Variants in UPF2 observed in about 807,000 individuals in gnomAD.
UPF2 encodes UPF2 regulator of nonsense mediated mRNA decay.
A neutral mutation model predicts 141.4 loss-of-function variants in UPF2; 17 were observed. That is an observed-to-expected ratio of 0.12 (90% CI 0.08 to 0.18). UPF2 has a LOEUF of 0.18. Among genes scored for constraint, UPF2 ranks in the 10% least tolerant of loss-of-function variants. The pLI, the probability that UPF2 is intolerant of heterozygous loss-of-function variation, is 1.00. For synonymous variants in UPF2, 540 were observed against 498.0 expected, an observed-to-expected ratio of 1.08 and a Z score of -1.12; for missense variants, 1,152 against 1,515.9, an observed-to-expected ratio of 0.76 and a Z score of 3.99.
chr10:11,988,435 C>A (rs927067811), intron 8 of UPF2, among the ~76,000 whole-genome samples: 1 of 152,296 alleles, frequency 6.6e-6, no homozygotes, highest in East Asian at 1.9e-4. Flanking sequence ...CCTTAGCCTC[C>A]CAAGTAGATG....
chr10:11,990,989 CAAAAAAAA>C, intron 8 of UPF2, among the ~76,000 whole-genome samples: 1 of 93,238 alleles, frequency 1.1e-5, no homozygotes, highest in South Asian at 3.4e-4. Context: ...GACTCCATCT[CAAAAAAAA>C]AAAAAAAAAG....
At chr10:12,004,482 G>T in intron 5 of UPF2, 48 bp downstream of exon 5, 1 of 1,433,398 alleles carries the variant, frequency 7.0e-7, no homozygotes, top group Non-Finnish European at 9.4e-7. Context: ...CTATTTTGAA[G>T]CTAATTCTTA....
intron 8 of UPF2, among the ~76,000 whole-genome samples, chr10:11,985,525 T>C (rs943063344): frequency 6.6e-6 from 1 of 150,482 alleles, no homozygotes; most frequent in African/African-American, 2.4e-5. Context: ...TAGTCCCAGC[T>C]ACTCGGGAGG....
chr10:11,958,410 C>T (rs147887695), intron 12 of UPF2, among the ~76,000 whole-genome samples: 60 of 152,234 alleles, frequency 3.9e-4, no homozygotes, highest in African/African-American at 1.4e-3. Flanking sequence ...ACATTTCCAA[C>T]GAAGCTGGTA....
At chr10:12,002,634 T>A (rs529462075) in intron 5 of UPF2, among the ~76,000 whole-genome samples, 23 of 152,292 alleles carry the variant, frequency 1.5e-4, no homozygotes, top group African/African-American at 5.5e-4. Flanking sequence ...AATATCCTTA[T>A]CATTTCAATG....
rs1834186452 is a variant in UPF2 at position 12,014,590 on chromosome 10, T to C, written c.1146-406A>G. ...CAATTATTCTTAAACCTCCATGATTTGAATCAGAAATATCATATTTAACAA... is the reference window on the plus strand; with the variant it reads ...CAATTATTCTTAAACCTCCATGATTCGAATCAGAAATATCATATTTAACAA... On this transcript the variant is annotated intron_variant, in intron 3 of 21. Transcript: ENST00000357604. This position sits in a 1 kb window ranked among gnomAD's most constrained non-coding sequence, Gnocchi z 5.0. Among the ~76,000 whole-genome samples the C allele has an allele frequency of 2.0e-5, 3 of 152,190 alleles. No homozygotes were observed. Among genetic ancestry groups the C allele is most frequent in the Non-Finnish European group, 4.4e-5 (3 of 68,032 alleles).
intron 16 of UPF2, among the ~76,000 whole-genome samples, chr10:11,945,300 C>G (rs1305723788): frequency 3.3e-5 from 5 of 152,168 alleles, no homozygotes; most frequent in Non-Finnish European, 7.4e-5. Context: ...AAAAATAGAA[C>G]ACAGCATTTG....
rs373291144 is a variant in UPF2 at position 11,929,955 on chromosome 10, G to A, written c.3719C>T (p.Ala1240Val). 13 of 1,614,130 alleles carry A rather than the reference G, an allele frequency of 8.1e-6. No homozygotes were observed. The highest frequency in any genetic ancestry group is 1.1e-5 in the Non-Finnish European group (13 of 1,180,052). ...CCTCTCACGATTGGTGTTTGCTGGA[G>A]CTGGGCGCTGTGCAAGAGACTGCAA... is the stretch of plus-strand genomic sequence containing the variant. ...EMLQSLAQRP[A>V]PANTNRERRP... Residue 1240 changes from alanine to valine, a missense_variant, in exon 21 of 22, where the codon GCT becomes GTT. Physicochemically the swap from Ala to Val is moderately conservative, Grantham distance 64 (BLOSUM62 0). Around this residue, in one of 4 missense-constraint regions of UPF2, gnomAD observed 66 missense variants for 123.5 expected, o/e 0.53. Coordinates refer to ENST00000357604, the MANE Select transcript of UPF2 (RefSeq NM_015542.4).
At chr10:11,938,853 G>GGTT (rs1832889411) in intron 18 of UPF2, among the ~76,000 whole-genome samples, 1 of 79,816 alleles carries the variant, frequency 1.3e-5, no homozygotes, top group Non-Finnish European at 2.3e-5. Context: ...TTTTTTTTTT[G>GGTT]TTTTTTTTTT....
At chr10:12,027,412 G>C (rs1380793853) in intron 3 of UPF2, among the ~76,000 whole-genome samples, 1 of 152,128 alleles carries the variant, frequency 6.6e-6, no homozygotes, top group Non-Finnish European at 1.5e-5. Flanking sequence ...TCACAAATCA[G>C]TTATGATGTA....
At chr10:11,997,926 A>G (rs1167877945) in intron 7 of UPF2, among the ~76,000 whole-genome samples, 169 bp from the exon 8 acceptor site, 2 of 152,234 alleles carry the variant, frequency 1.3e-5, no homozygotes, top group Non-Finnish European at 2.9e-5. Flanking sequence ...AAAAGTAGCA[A>G]GAATAGTTAC....
chr10:11,986,900 C>T (rs1007232283), intron 8 of UPF2, among the ~76,000 whole-genome samples: 27 of 152,184 alleles, frequency 1.8e-4, no homozygotes, highest in Non-Finnish European at 2.9e-5. Context: ...CCAGCAAACT[C>T]TCCTAAAAGC....
At chr10:11,968,654 T>TA (rs1026188325) in intron 9 of UPF2, among the ~76,000 whole-genome samples, 6 of 152,226 alleles carry the variant, frequency 3.9e-5, no homozygotes, top group Non-Finnish European at 8.8e-5. Context: ...TTTGCACATG[T>TA]AAGTCCTCTA....
intron 15 of UPF2, 25 bp downstream of exon 15, chr10:11,952,041 T>C (rs1833081755): frequency 6.2e-7 from 1 of 1,607,800 alleles, no homozygotes; most frequent in Non-Finnish European, 8.5e-7. Context: ...TCACCTTCAT[T>C]TTCTGTCTGC....
chr10:12,025,117 CTA>C (rs1448965598), intron 3 of UPF2, among the ~76,000 whole-genome samples: 1 of 152,136 alleles, frequency 6.6e-6, no homozygotes, highest in Non-Finnish European at 1.5e-5. Context: ...TGCATCTTCT[CTA>C]TAGTGGCTGC....
At chr10:12,022,956 A>G (rs1357523872) in intron 3 of UPF2, among the ~76,000 whole-genome samples, 1 of 152,184 alleles carries the variant, frequency 6.6e-6, no homozygotes, top group African/African-American at 2.4e-5. Flanking sequence ...TAAGCCTGCA[A>G]TCATGAGGGT....
At chr10:12,038,871 C>T (rs1834683737) in intron 1 of UPF2, among the ~76,000 whole-genome samples, 1 of 152,084 alleles carries the variant, frequency 6.6e-6, no homozygotes, top group Admixed American at 6.6e-5. Context: ...GTACGTTGCC[C>T]TGGCTGGTCT....
rs1001042077 is a variant in UPF2 at position 11,957,186 on chromosome 10, T to G, written c.2371-663A>C. ...GCTCACGCTTGTAATCCCAGCACTT[T>G]GTGAGGCCAAGGTGGGTGGATAATC... On this transcript the variant is annotated intron_variant, in intron 12 of 21. Transcript: ENST00000357604. 2.6e-5 allele frequency among the ~76,000 whole-genome samples: 4 copies of G among 151,900 alleles called. No individual in the cohort carries two copies. In the East Asian group the frequency reaches 6.0e-4, roughly 23 times the overall value.
At chr10:11,988,675 G>C (rs879459717) in intron 8 of UPF2, among the ~76,000 whole-genome samples, 1 of 152,166 alleles carries the variant, frequency 6.6e-6, no homozygotes, top group Admixed American at 6.5e-5. Flanking sequence ...GACGAGGCCA[G>C]GATGCCAAAA....
Sources: gnomAD v4.1 joint callset for allele counts (sites outside exome capture counted in the v4.1 genomes callset) on GRCh38, gnomAD v4.1.1 for gene constraint, gnomAD v4.1.1 regional missense constraint, Gnocchi (gnomAD v3.1) non-coding constraint, MANE v1.5 for transcripts, NCBI Gene and HGNC (gene_info 2026-07-23, HGNC 2026-07-21) for gene names.